COX4I2: variants seen among roughly 807,000 people sequenced by gnomAD.
COX4I2 encodes the protein cytochrome c oxidase subunit 4I2, also known as cytochrome c oxidase subunit 4 isoform 2, mitochondrial.
In COX4I2, 15 loss-of-function variants were observed where a neutral mutation model predicts 20.8. The ratio of observed to expected loss-of-function variants is 0.72; its 90% confidence interval spans 0.48 to 1.11. COX4I2 has a LOEUF of 1.11. Ranked by LOEUF, COX4I2 falls within the 50% of genes most tolerant of loss-of-function variation. The pLI is 0.00. For missense variants in COX4I2, 224 were observed against 223.0 expected (o/e 1.00, Z -0.03); for synonymous variants, 80 against 78.1 (o/e 1.02, Z -0.13).
intron 2 of COX4I2, 87 bp downstream of exon 2, chr20:31,639,186 G>A (rs962397597): frequency 6.5e-7 from 1 of 1,544,874 alleles, no homozygotes; most frequent in African/African-American, 1.4e-5. Context: ...GCCCTTCCAT[G>A]CCACCCTGGG....
At chr20:31,638,186 C>T (rs1232265879) in intron 1 of COX4I2, among the ~76,000 whole-genome samples, 1 of 152,072 alleles carries the variant, frequency 6.6e-6, no homozygotes, top group South Asian at 2.1e-4. Context: ...ATGTGGAGCT[C>T]TCCCACCCAC....
chr20:31,644,727 A>C, intron 4 of COX4I2, 41 bp from the exon 5 acceptor site: 1 of 1,613,084 alleles, frequency 6.2e-7, no homozygotes, highest in Non-Finnish European at 8.5e-7. Context: ...TGGTGTAGGA[A>C]GACTGGCAGG....
rs1343001684 is a variant in COX4I2, at chr20:31,639,950, A to C, written c.100A>C (p.Met34Leu). The change falls in exon 3 of 5, where the codon ATG (methionine) becomes CTG (leucine). Residue 34 changes from methionine (M) to leucine (L), a missense_variant. Transcript: ENST00000376075. ...GTCTGCAGCCCGTGGTGGGGGGAAGATGTCCCCCTACACCAACTGCTATGC... is the reference window on the plus strand; with the variant it reads ...GTCTGCAGCCCGTGGTGGGGGGAAGCTGTCCCCCTACACCAACTGCTATGC... ...SEGTTRGGGK[M>L]SPYTNCYAQR... 1.5e-5 allele frequency: 24 copies of C among 1,613,914 alleles called. No individual in the cohort carries two copies. The highest frequency in any genetic ancestry group is 2.0e-5 in the Non-Finnish European group (24 of 1,179,994).
intron 1 of COX4I2, 128 bp from the exon 2 acceptor site, chr20:31,638,890 G>A (rs1394935770): frequency 2.0e-5 from 20 of 991,754 alleles, no homozygotes; most frequent in Non-Finnish European, 3.0e-5. Flanking sequence ...GCATGAGGGT[G>A]ACCTTGAAAC....
At chr20:31,640,893 T>C (rs1018826957) in intron 3 of COX4I2, among the ~76,000 whole-genome samples, 1 of 151,876 alleles carries the variant, frequency 6.6e-6, no homozygotes, top group African/African-American at 2.4e-5. Context: ...CGTTCCTGCC[T>C]GTGAGCTTGC....
chr20:31,641,757 G>C (rs1235577961), intron 3 of COX4I2, among the ~76,000 whole-genome samples: 1 of 151,986 alleles, frequency 6.6e-6, no homozygotes, highest in Non-Finnish European at 1.5e-5. Flanking sequence ...CTGGAGTGCA[G>C]TGGCCCCATC....
rs2060458121 is a variant in COX4I2 at position 31,639,979 on chromosome 20, G to A, written c.129G>A (p.Gln43=). 1.9e-6 allele frequency: 3 copies of A among 1,614,022 alleles called. No individual in the cohort carries two copies. The highest frequency in any genetic ancestry group is 2.5e-6 in the Non-Finnish European group (3 of 1,180,036). ...CCCCCTACACCAACTGCTATGCCCA[G>A]CGCTACTACCCCATGCCAGAAGAGC... ...KMSPYTNCYA[Q]RYYPMPEEPF... is the part of the protein sequence containing the mutation. Residue 43 remains glutamine, a synonymous_variant, in exon 3 of 5, where the codon CAG becomes CAA. Coordinates refer to ENST00000376075, the MANE Select transcript of COX4I2 (RefSeq NM_032609.3).
chr20:31,642,174 A>G (rs920295712), intron 3 of COX4I2, among the ~76,000 whole-genome samples: 2 of 151,688 alleles, frequency 1.3e-5, no homozygotes, highest in Non-Finnish European at 2.9e-5. Flanking sequence ...GTCTTGTCAG[A>G]CCTCTTCCAG....
chr20:31,643,339 G>T, intron 3 of COX4I2, 65 bp from the exon 4 acceptor site: 1 of 1,600,936 alleles, frequency 6.2e-7, no homozygotes. Context: ...TGCAGGGAGG[G>T]GGAAGCCGGG....
chr20:31,643,833 GTGT>G (rs2060481687), intron 4 of COX4I2, among the ~76,000 whole-genome samples: 1 of 152,300 alleles, frequency 6.6e-6, no homozygotes, highest in South Asian at 2.1e-4. Flanking sequence ...GTCATGAATG[GTGT>G]TGTAACTGAT....
rs1392469008 is a variant in COX4I2, at chr20:31,639,615, T to C, written c.83-318T>C. Among the ~76,000 whole-genome samples, 3 of 147,996 alleles carry C rather than the reference T, an allele frequency of 2.0e-5. No homozygotes were observed. In the Admixed American group the frequency reaches 2.1e-4, roughly 10 times the overall value. ...CTGTCGCTCAGGCTAGAGTGTTCAG[T>C]GGCGCAATGTCGGCTCACTGCAACC... is the stretch of plus-strand genomic sequence containing the variant. On this transcript the variant is annotated intron_variant, in intron 2 of 4. Transcript: ENST00000376075.
chr20:31,641,702 T>A (rs1568833277), intron 3 of COX4I2, among the ~76,000 whole-genome samples: 1 of 147,056 alleles, frequency 6.8e-6, no homozygotes, highest in Admixed American at 6.8e-5. Context: ...CTCAAACAAC[T>A]TTTTTTTTTT....
chr20:31,642,290 G>A (rs2060472514), intron 3 of COX4I2, among the ~76,000 whole-genome samples: 1 of 152,120 alleles, frequency 6.6e-6, no homozygotes, highest in Non-Finnish European at 1.5e-5. Context: ...GTCTCAGCCT[G>A]AACCGCCCAC....
intron 3 of COX4I2, among the ~76,000 whole-genome samples, chr20:31,641,799 C>T (rs912638524): frequency 6.6e-6 from 1 of 152,014 alleles, no homozygotes; most frequent in African/African-American, 2.4e-5. Context: ...CTCCTGGGCT[C>T]AAGCGATCCT....
Position 31,639,991 on chromosome 20 carries a change from C to T in COX4I2, c.141C>T (p.Pro47=), listed in dbSNP as rs1183764714. 19 of 1,614,106 alleles carry T rather than the reference C, an allele frequency of 1.2e-5. No individual in the cohort carries two copies. The highest frequency in any genetic ancestry group is 1.6e-5 in the Non-Finnish European group (19 of 1,179,998). ...YTNCYAQRYY[P]MPEEPFCTEL... is the part of the protein sequence containing the mutation. The stretch of plus-strand genomic sequence containing the variant: ...ACTGCTATGCCCAGCGCTACTACCC[C>T]ATGCCAGAAGAGCCCTTCTGCACAG... Residue 47 remains proline (P), a synonymous_variant, in exon 3 of 5, where the codon CCC becomes CCT. Coordinates refer to ENST00000376075, the MANE Select transcript of COX4I2 (RefSeq NM_032609.3).
Position 31,643,440 on chromosome 20 carries a change from T to G in COX4I2, c.284T>G (p.Met95Arg). The change falls in exon 4 of 5, where the codon ATG (methionine) becomes AGG (arginine). Residue 95 changes from methionine to arginine, a missense_variant. Physicochemically the swap from Met to Arg is moderately conservative, Grantham distance 91. Transcript: ENST00000376075. Reference protein sequence around the residue: ...RLQFNETFAEMNRRSNEWKTV... With the variant: ...RLQFNETFAERNRRSNEWKTV... Reference sequence around the variant, plus strand: ...CAGTTCAATGAGACCTTTGCGGAGATGAACCGTCGCTCCAATGAGTGGAAG... The same window carrying G: ...CAGTTCAATGAGACCTTTGCGGAGAGGAACCGTCGCTCCAATGAGTGGAAG... 1.9e-6 allele frequency: 3 copies of G among 1,614,228 alleles called. No homozygotes were observed. Among genetic ancestry groups the G allele is most frequent in the Non-Finnish European group, 2.5e-6 (3 of 1,180,042 alleles).
intron 2 of COX4I2, 100 bp downstream of exon 2, chr20:31,639,199 T>C (rs1225466334): frequency 6.5e-6 from 10 of 1,541,666 alleles, no homozygotes; most frequent in Non-Finnish European, 8.7e-6. Flanking sequence ...ACCCTGGGCC[T>C]GTTCCTACCA....
chr20:31,640,613 T>C (rs1007163656), intron 3 of COX4I2, among the ~76,000 whole-genome samples: 1 of 151,860 alleles, frequency 6.6e-6, no homozygotes, highest in African/African-American at 2.4e-5. Context: ...GGTGAGGCGG[T>C]TGGGGAGGAG....
Position 31,639,964 on chromosome 20 carries a change from C to T in COX4I2, c.114C>T (p.Thr38=), listed in dbSNP as rs61759491. 2,026 of 1,613,996 alleles carry T rather than the reference C, an allele frequency of 1.3e-3. 4 individuals carry two copies. The highest frequency in any genetic ancestry group is 1.6e-3 in the Non-Finnish European group (1,914 of 1,180,028). The part of the protein sequence containing the change: ...TRGGGKMSPY[T]NCYAQRYYPM... ...GTGGGGGGAAGATGTCCCCCTACACCAACTGCTATGCCCAGCGCTACTACC... is the reference window on the plus strand; with the variant it reads ...GTGGGGGGAAGATGTCCCCCTACACTAACTGCTATGCCCAGCGCTACTACC... The change falls in exon 3 of 5, where the codon ACC becomes ACT. Residue 38 remains threonine, a synonymous_variant. Coordinates refer to ENST00000376075, the MANE Select transcript of COX4I2 (RefSeq NM_032609.3).
Sources: gnomAD v4.1 joint callset for allele counts (sites outside exome capture counted in the v4.1 genomes callset) on GRCh38, gnomAD v4.1.1 for gene constraint, MANE v1.5 for transcripts, NCBI Gene and HGNC (gene_info 2026-07-23, HGNC 2026-07-21) for gene names.